Variants in TRAPPC9 observed in about 807,000 individuals in gnomAD.
The protein encoded by TRAPPC9 is trafficking protein particle complex subunit 9, also known as IKK2 binding protein.
TRAPPC9 carries 83 observed loss-of-function variants against 124.0 expected under a neutral mutation model. The observed-to-expected ratio is 0.67, with a 90% CI of 0.56 to 0.80. The LOEUF is 0.80. Among genes scored for constraint, TRAPPC9 ranks in the 30% least tolerant of loss-of-function variants. TRAPPC9 has a pLI of 0.00. For synonymous variants in TRAPPC9, 638 were observed against 617.5 expected (o/e 1.03, Z -0.49); for missense variants, 1,302 against 1,508.3 (o/e 0.86, Z 2.27).
At chr8:139,897,045 G>A (rs1436002577) in intron 20 of TRAPPC9, among the ~76,000 whole-genome samples, 3 of 152,182 alleles carry the variant, frequency 2.0e-5, no homozygotes, top group Admixed American at 6.5e-5. Flanking sequence ...ACTGTTTAAT[G>A]ACTGACATCC....
chr8:140,199,324 C>G (rs2062736179), intron 17 of TRAPPC9, among the ~76,000 whole-genome samples: 1 of 152,106 alleles, frequency 6.6e-6, no homozygotes, highest in African/African-American at 2.4e-5. Flanking sequence ...TGGACTATCC[C>G]TGGTATCTGG....
chr8:140,169,145 A>C (rs1048563493), intron 17 of TRAPPC9, among the ~76,000 whole-genome samples: 1 of 151,064 alleles, frequency 6.6e-6, no homozygotes, highest in Non-Finnish European at 1.5e-5. Context: ...TTAAGTAAAT[A>C]AAAATAAAAT....
chr8:139,949,236 T>G (rs1226054893), intron 19 of TRAPPC9, among the ~76,000 whole-genome samples: 1 of 152,002 alleles, frequency 6.6e-6, no homozygotes, highest in Non-Finnish European at 1.5e-5. Flanking sequence ...AAAAGAAAAT[T>G]ATGAATAATT....
rs565241294 is a variant in TRAPPC9 at position 140,457,477 on chromosome 8, C to CCGG, written c.-11+161_-11+162insCCG. 1.4e-3 allele frequency among the ~76,000 whole-genome samples: 212 copies of CCGG among 152,286 alleles called. 6 individuals are homozygous for CCGG. In the East Asian group the frequency reaches 0.03, roughly 21 times the overall value. ...CCTCGAGCAGGTGCACGCTGAACCCCGGCCCGGCAGCGGACCCGGACAGGT... is the reference window on the plus strand; with the variant it reads ...CCTCGAGCAGGTGCACGCTGAACCCCCGGGGCCCGGCAGCGGACCCGGACAGGT... On this transcript the variant is annotated intron_variant, in intron 1 of 22. Coordinates refer to ENST00000438773, the MANE Select transcript of TRAPPC9 (RefSeq NM_001160372.4).
intron 17 of TRAPPC9, among the ~76,000 whole-genome samples, chr8:140,208,416 C>T (rs995742938): frequency 6.6e-6 from 1 of 152,208 alleles, no homozygotes; most frequent in Admixed American, 6.5e-5. Flanking sequence ...CCAGAAGTAG[C>T]GGCAGCACCT....
At chr8:139,839,558 G>C (rs949068153) in intron 21 of TRAPPC9, among the ~76,000 whole-genome samples, 6 of 152,204 alleles carry the variant, frequency 3.9e-5, no homozygotes, top group Non-Finnish European at 8.8e-5. Flanking sequence ...TGGCCTCTGT[G>C]AAGGGACTCA....
intron 21 of TRAPPC9, among the ~76,000 whole-genome samples, chr8:139,863,932 C>T (rs1487590542): frequency 2.6e-5 from 4 of 152,204 alleles, no homozygotes; most frequent in African/African-American, 9.6e-5. Flanking sequence ...CCCAGGATGG[C>T]CAGAAAGCCC....
intron 5 of TRAPPC9, 117 bp from the exon 6 acceptor site, chr8:140,405,815 G>T: frequency 8.3e-7 from 1 of 1,201,260 alleles, no homozygotes; most frequent in Non-Finnish European, 1.2e-6. Context: ...TTTAAATAAT[G>T]TAAGTGTTTA....
intron 14 of TRAPPC9, among the ~76,000 whole-genome samples, chr8:140,280,272 C>A (rs371472611): frequency 6.6e-6 from 1 of 152,174 alleles, no homozygotes; most frequent in African/African-American, 2.4e-5. Flanking sequence ...GCAGGCTCGG[C>A]GGAAATCATG....
At chr8:139,973,305 C>T (rs546202123) in intron 19 of TRAPPC9, among the ~76,000 whole-genome samples, 1 of 152,202 alleles carries the variant, frequency 6.6e-6, no homozygotes, top group Non-Finnish European at 1.5e-5. Flanking sequence ...TGGCCACGGG[C>T]CAGCGCCCCT....
chr8:140,158,447 C>T (rs555593717), intron 17 of TRAPPC9, among the ~76,000 whole-genome samples: 1 of 152,290 alleles, frequency 6.6e-6, no homozygotes, highest in South Asian at 2.1e-4. Flanking sequence ...CTGCAGAAGC[C>T]AGGAGGGCAG....
intron 17 of TRAPPC9, among the ~76,000 whole-genome samples, chr8:140,131,385 G>T (rs1046885556): frequency 6.6e-6 from 1 of 152,110 alleles, no homozygotes; most frequent in Non-Finnish European, 1.5e-5. Flanking sequence ...ATTTTAACAC[G>T]ATCACCATCT....
intron 20 of TRAPPC9, among the ~76,000 whole-genome samples, chr8:139,893,329 T>A (rs1454135344): frequency 6.6e-6 from 1 of 152,180 alleles, no homozygotes; most frequent in African/African-American, 2.4e-5. Context: ...TCCTGGAATG[T>A]CCCTCCCCTT....
chr8:140,423,892 T>C lies in TRAPPC9; in HGVS notation c.886+2723A>G, dbSNP rs989627010. On this transcript the variant is annotated intron_variant, in intron 5 of 22. Transcript: ENST00000438773. ...CAAAAACCACATACCATTATATGTA[T>C]GATGCCATTTATATGAGATGTCCAG... 5.9e-5 allele frequency among the ~76,000 whole-genome samples: 9 copies of C among 152,172 alleles called. No homozygotes were observed. The South Asian group carries it at 1.2e-3, about 21-fold the overall frequency.
intron 21 of TRAPPC9, among the ~76,000 whole-genome samples, chr8:139,784,218 C>G (rs2130546078): frequency 6.6e-6 from 1 of 152,264 alleles, no homozygotes; most frequent in Admixed American, 6.5e-5. Flanking sequence ...TGTAGGAAAT[C>G]CAGTGGAATC....
At chr8:140,157,150 TC>T (rs1160146655) in intron 17 of TRAPPC9, among the ~76,000 whole-genome samples, 3 of 114,866 alleles carry the variant, frequency 2.6e-5, no homozygotes, top group East Asian at 3.5e-4. Flanking sequence ...GCCTCCCTTT[TC>T]CATTCAGAAG....
chr8:140,434,948 C>G (rs554118141), intron 4 of TRAPPC9, among the ~76,000 whole-genome samples, 164 bp downstream of exon 4: 18 of 147,928 alleles, frequency 1.2e-4, no homozygotes, highest in Non-Finnish European at 2.4e-4. Flanking sequence ...CCAGCCCGGG[C>G]AACAGTGCAA....
At chr8:139,731,921 G>A (rs1453918660) in intron 22 of TRAPPC9, 58 bp downstream of exon 22, 2 of 1,488,050 alleles carry the variant, frequency 1.3e-6, no homozygotes, top group Non-Finnish European at 1.8e-6. Context: ...CCCAGGGAAG[G>A]GGGGATGATG....
intron 15 of TRAPPC9, among the ~76,000 whole-genome samples, chr8:140,272,642 G>A (rs1158142509): frequency 6.6e-6 from 1 of 152,086 alleles, no homozygotes; most frequent in African/African-American, 2.4e-5. Flanking sequence ...TACAAGCACG[G>A]AGCTGGCCTC....
Sources: gnomAD v4.1 joint callset for allele counts (sites outside exome capture counted in the v4.1 genomes callset) on GRCh38, gnomAD v4.1.1 for gene constraint, MANE v1.5 for transcripts, NCBI Gene and HGNC (gene_info 2026-07-23, HGNC 2026-07-21) for gene names.